The following MAK variants were observed in gnomAD, a reference collection of about 807,000 sequenced individuals.
MAK encodes the protein serine/threonine-protein kinase MAK.
MAK carries 65 observed loss-of-function variants against 82.6 expected under a neutral mutation model. That is an observed-to-expected ratio of 0.79 (90% confidence interval 0.64 to 0.97). MAK has a LOEUF of 0.97. Ranked by LOEUF, MAK falls within the 50% of genes least tolerant of loss-of-function variation. The pLI, the probability that MAK is intolerant of heterozygous loss-of-function variation, is 0.00. For synonymous variants in MAK, 250 were observed against 274.2 expected (o/e 0.91, Z 0.87); for missense variants, 703 against 780.2 (o/e 0.90, Z 1.18).
intron 8 of MAK, 68 bp downstream of exon 8, chr6:10,801,824 A>T: frequency 1.3e-6 from 2 of 1,487,106 alleles, no homozygotes; most frequent in African/African-American, 1.4e-5. Flanking sequence ...TGCCTTTGTA[A>T]ATGAAAACAT....
At chr6:10,829,267 CAAATT>C in intron 2 of MAK, 1 of 152,178 alleles carries the variant, frequency 6.6e-6, no homozygotes, top group Non-Finnish European at 1.5e-5. Flanking sequence ...TAAAAACAAA[CAAATT>C]AACAACAATT....
At position 10,791,996 on chromosome 6, in the gene MAK, G is replaced by A. The variant is rs77235321; in HGVS notation, c.1144-149C>T. The A allele has an allele frequency of 6.3e-4, 526 of 833,018 alleles. 2 individuals are homozygous for A. The African/African-American group carries it at 8.1e-3, about 13-fold the overall frequency. 51.6% of individuals were successfully genotyped at this position (833,018 alleles called of 1,614,324 possible). A position where few individuals can be genotyped will look rare whatever the true frequency, so the allele number is the denominator to read the frequency against. On this transcript the variant is annotated intron_variant, in intron 9 of 14. Coordinates refer to ENST00000354489, the MANE Select transcript of MAK (RefSeq NM_001242957.3). ...GCATAACATATATACACATTTAAAA[G>A]CATGAACAAAAATGGGCGGTACATG...
At position 10,776,170 on chromosome 6, in the gene MAK, C is replaced by G. The variant is rs1773443462; in HGVS notation, c.1466-711G>C. Among the ~76,000 whole-genome samples the G allele has an allele frequency of 6.6e-6, 1 of 152,122 alleles. No individual in the cohort carries two copies. The highest frequency in any genetic ancestry group is 2.1e-4 in the South Asian group (1 of 4,822). ...TGTAGCAGGGAAAACAGACACGTGA[C>G]TAAGAACTCAGGAAAACCTTTGAAG... is the stretch of plus-strand genomic sequence containing the variant. On this transcript the variant is annotated intron_variant, in intron 11 of 14. Coordinates refer to ENST00000354489, the MANE Select transcript of MAK (RefSeq NM_001242957.3). The surrounding 1 kb of genome is among the most constrained non-coding windows in gnomAD (Gnocchi z 4.3).
chr6:10,780,585 G>T (rs1168295883), intron 11 of MAK, among the ~76,000 whole-genome samples: 1 of 151,220 alleles, frequency 6.6e-6, no homozygotes, highest in Admixed American at 6.6e-5. Flanking sequence ...CTCCTGAGTA[G>T]CTGGGATTAC....
intron 8 of MAK, among the ~76,000 whole-genome samples, chr6:10,798,756 G>A (rs1267127393): frequency 6.6e-6 from 1 of 151,776 alleles, no homozygotes; most frequent in Admixed American, 6.6e-5. Context: ...AATGCTGGCA[G>A]TATATTCCAA....
intron 2 of MAK, chr6:10,828,890 A>T (rs919859905): frequency 5.9e-5 from 9 of 152,372 alleles, no homozygotes; most frequent in South Asian, 4.1e-4. Context: ...AGCCAAGGAG[A>T]GAGGCCTCAG....
intron 14 of MAK, among the ~76,000 whole-genome samples, chr6:10,765,532 T>C (rs112560596): frequency 0.041 from 6,053 of 148,604 alleles, 394 homozygotes; most frequent in African/African-American, 0.13. Flanking sequence ...CGATCTCGGC[T>C]CACTGCAACC....
chr6:10,764,575 C>T lies in MAK; in HGVS notation c.1824G>A (p.Gly608=), dbSNP rs1772223199. 6.2e-7 allele frequency: 1 copy of T among 1,613,832 alleles called. No homozygotes were observed. Among genetic ancestry groups the T allele is most frequent in the Non-Finnish European group, 8.5e-7 (1 of 1,179,868 alleles). ...EYTWNTKTGR[G]QFSGRTYNPT... is the part of the protein sequence containing the mutation. Reference sequence around the variant, plus strand: ...GATTATAAGTACGTCCTGAAAACTGCCCCCGACCAGTTTTTGTGTTCCAGG... The same window carrying T: ...GATTATAAGTACGTCCTGAAAACTGTCCCCGACCAGTTTTTGTGTTCCAGG... The change falls in exon 15 of 15, where the codon GGG becomes GGA. Residue 608 remains glycine (G), a synonymous_variant. Coordinates refer to ENST00000354489, the MANE Select transcript of MAK (RefSeq NM_001242957.3).
intron 5 of MAK, among the ~76,000 whole-genome samples, chr6:10,809,220 A>G (rs553593851): frequency 6.6e-6 from 1 of 152,328 alleles, no homozygotes; most frequent in South Asian, 2.1e-4. Flanking sequence ...GTGGGTGTTC[A>G]GGCACTGGGC....
At chr6:10,803,565 A>G (rs1315042434) in intron 7 of MAK, among the ~76,000 whole-genome samples, 155 bp downstream of exon 7, 2 of 151,726 alleles carry the variant, frequency 1.3e-5, no homozygotes, top group Non-Finnish European at 2.9e-5. Context: ...AAAGAATTAT[A>G]AGAAAATTAA....
At chr6:10,807,284 CTATTT>C (rs777743544) in intron 6 of MAK, among the ~76,000 whole-genome samples, 68 of 148,698 alleles carry the variant, frequency 4.6e-4, no homozygotes, top group Non-Finnish European at 7.4e-4. Flanking sequence ...GCCCCCTTTC[CTATTT>C]TATTTTTCTT....
intron 10 of MAK, among the ~76,000 whole-genome samples, chr6:10,787,857 TCAA>T (rs1357692574): frequency 4.7e-5 from 2 of 42,578 alleles, no homozygotes; most frequent in Non-Finnish European, 8.1e-5. Context: ...CGAGACTGTC[TCAA>T]AAAAAAAAAA....
chr6:10,828,824 A>C (rs1437783891), intron 2 of MAK, among the ~76,000 whole-genome samples: 1 of 152,188 alleles, frequency 6.6e-6, no homozygotes, highest in Non-Finnish European at 1.5e-5. Context: ...ATGTGGACAC[A>C]GACATGCACA....
At position 10,764,203 on chromosome 6, in the gene MAK, T is replaced by A; in HGVS notation, c.*249A>T. ...AAATTGTAGATCAAATACTTCATAC[T>A]TTGGCAAATAGTTTATTCAATACTT... is the stretch of plus-strand genomic sequence containing the variant. On this transcript the variant is annotated 3_prime_UTR_variant, in exon 15 of 15. Transcript: ENST00000354489. 2.2e-6 allele frequency: 1 copy of A among 459,294 alleles called. No individual in the cohort carries two copies. The highest frequency in any genetic ancestry group is 3.2e-5 in the South Asian group (1 of 31,018). 28.5% of individuals were successfully genotyped at this position (459,294 alleles called of 1,614,324 possible).
intron 11 of MAK, among the ~76,000 whole-genome samples, chr6:10,778,363 G>C (rs1773642912): frequency 6.6e-6 from 1 of 152,206 alleles, no homozygotes; most frequent in Non-Finnish European, 1.5e-5. Context: ...AACTCAGCCA[G>C]TCTTTCTTTC....
rs557316629 is a variant in MAK, at chr6:10,774,553, A to G, written c.1597+775T>C. 1.3e-4 allele frequency among the ~76,000 whole-genome samples: 20 copies of G among 152,286 alleles called. No homozygotes were observed. The South Asian group carries it at 3.9e-3, about 30-fold the overall frequency. ...GGTTTTGTGATAGCTTTGCCACTCT[A>G]TTCTTCAAACGCTCTTCAAAATTAC... On this transcript the variant is annotated intron_variant, in intron 12 of 14. Coordinates refer to ENST00000354489, the MANE Select transcript of MAK (RefSeq NM_001242957.3).
intron 13 of MAK, among the ~76,000 whole-genome samples, chr6:10,772,603 G>T (rs1440888160): frequency 7.2e-5 from 11 of 151,890 alleles, no homozygotes; most frequent in Non-Finnish European, 5.9e-5. Context: ...TCGGCCTCCT[G>T]AAGTGCTGGG....
chr6:10,835,907 C>T (rs978833445), intron 1 of MAK, among the ~76,000 whole-genome samples: 2 of 152,190 alleles, frequency 1.3e-5, no homozygotes, highest in Non-Finnish European at 2.9e-5. Flanking sequence ...TCACCACCGC[C>T]CTGGGGTGGG....
chr6:10,796,239 T>C lies in MAK; in HGVS notation c.902A>G (p.Gln301Arg). The change falls in exon 9 of 15, where the codon CAG becomes CGG. Residue 301 changes from glutamine (Q) to arginine (R), a missense_variant. Physicochemically the swap from Gln to Arg is conservative, Grantham distance 43. Transcript: ENST00000354489. ...GPSSNHLESK[Q>R]SLNKQLQPLE... ...TGGTTGCAGCTGCTTATTTAAAGAC[T>C]GTTTTGATTCCAGATGATTTGACGA... 6.2e-7 allele frequency: 1 copy of C among 1,614,202 alleles called. No homozygotes were observed. Among genetic ancestry groups the C allele is most frequent in the African/African-American group, 1.3e-5 (1 of 75,054 alleles).
Sources: allele counts gnomAD v4.1 joint callset (sites outside exome capture counted in the v4.1 genomes callset), GRCh38; gene constraint gnomAD v4.1.1; non-coding constraint Gnocchi (gnomAD v3.1); transcripts MANE v1.5; gene names NCBI Gene and HGNC (gene_info 2026-07-23, HGNC 2026-07-21).